The following ZNF334 variants were observed in gnomAD, a reference collection of about 807,000 sequenced individuals.
ZNF334 encodes the protein zinc finger protein 334.
A neutral mutation model predicts 12.4 loss-of-function variants in ZNF334; 14 were observed. That is an observed-to-expected ratio of 1.13 (90% CI 0.74 to 1.76). The LOEUF is 1.76. Ranked by LOEUF, ZNF334 falls within the 40% of genes most tolerant of loss-of-function variation. The pLI is 0.00. For missense variants in ZNF334, 797 were observed against 804.5 expected (o/e 0.99, Z 0.11); for synonymous variants, 273 against 269.6 (o/e 1.01, Z -0.12).
rs1486488643 is a variant in ZNF334, at chr20:46,504,709, T to C, written c.53A>G (p.Asn18Ser). ...IPVSFQDLTV[N>S]FTQEEWQQLD... Reference sequence around the variant, plus strand: ...TTGCTGCCATTCCTCTTGGGTGAAGTTCACAGTCAGGTCCTGGAATGAAAC... The same window carrying C: ...TTGCTGCCATTCCTCTTGGGTGAAGCTCACAGTCAGGTCCTGGAATGAAAC... Residue 18 changes from asparagine (N) to serine (S), a missense_variant, in exon 3 of 5, where the codon AAC (asparagine) becomes AGC (serine). Asn to Ser is a conservative substitution (Grantham distance 46). Coordinates refer to ENST00000692313, the MANE Select transcript of ZNF334 (RefSeq NM_001353824.2). The C allele has an allele frequency of 4.3e-6, 7 of 1,612,420 alleles. No individual in the cohort carries two copies. The highest frequency in any genetic ancestry group is 5.9e-6 in the Non-Finnish European group (7 of 1,179,378).
At chr20:46,496,327 C>T (rs538298781), downstream of ZNF334, among the ~76,000 whole-genome samples, 1 of 152,302 alleles carries the variant, frequency 6.6e-6, no homozygotes, top group East Asian at 1.9e-4. Flanking sequence ...TCCCCAGAAT[C>T]TCATTTTCAT....
the ZNF334 span, among the ~76,000 whole-genome samples, chr20:46,488,271 C>T: frequency 1.3e-5 from 2 of 149,702 alleles, no homozygotes; most frequent in Non-Finnish European, 3.0e-5. Context: ...ATTTTATCAC[C>T]TTTATTGGCT....
the ZNF334 span, among the ~76,000 whole-genome samples, chr20:46,471,212 G>C: frequency 6.6e-6 from 1 of 152,170 alleles, no homozygotes; most frequent in Admixed American, 6.5e-5. Flanking sequence ...CATAATTACT[G>C]ATGAGGCTGA....
chr20:46,512,084 G>T lies in ZNF334; in HGVS notation c.19C>A (p.Gln7Lys). ...AAGTAAATCCCTGAGCAACTTACCT[G>T]AAATTTTTTCATTTTCATGTTCTCT... MKMKKF[Q>K]IPVSFQDLTV... Residue 7 changes from glutamine to lysine, a missense_variant and splice_region_variant, in exon 2 of 5, where the codon CAG (glutamine) becomes AAG (lysine). Transcript: ENST00000692313. 1 of 1,613,762 alleles carries T rather than the reference G, an allele frequency of 6.2e-7. No individual in the cohort carries two copies. Among genetic ancestry groups the T allele is most frequent in the Non-Finnish European group, 8.5e-7 (1 of 1,179,760 alleles).
intron 2 of ZNF334, chr20:46,506,527 G>A: frequency 7.7e-6 from 3 of 390,670 alleles, no homozygotes; most frequent in Non-Finnish European, 1.4e-5. Flanking sequence ...GAGGCAAGAG[G>A]ATCACTTGAG....
the ZNF334 span, among the ~76,000 whole-genome samples, chr20:46,487,256 T>C: frequency 1.3e-5 from 2 of 152,202 alleles, no homozygotes; most frequent in African/African-American, 4.8e-5. Context: ...AATCTGTCTA[T>C]ATTTGTATAT....
chr20:46,492,142 T>C, the ZNF334 span: 2 of 152,634 alleles, frequency 1.3e-5, no homozygotes, highest in African/African-American at 4.8e-5. Flanking sequence ...CCTTTCCATG[T>C]AATGAATGTA....
the ZNF334 span, among the ~76,000 whole-genome samples, chr20:46,470,361 C>T: frequency 6.6e-6 from 1 of 152,322 alleles, no homozygotes; most frequent in Middle Eastern, 3.4e-3. Flanking sequence ...TTGGTTGTCT[C>T]CTTCCTTTGT....
At chr20:46,494,069 T>TGA in the ZNF334 span, among the ~76,000 whole-genome samples, 1 of 152,256 alleles carries the variant, frequency 6.6e-6, no homozygotes, top group South Asian at 2.1e-4. Flanking sequence ...ATGGAGAACC[T>TGA]ATTACTGGGA....
chr20:46,463,453 T>G, the ZNF334 span, among the ~76,000 whole-genome samples: 2 of 152,170 alleles, frequency 1.3e-5, no homozygotes, highest in African/African-American at 4.8e-5. Flanking sequence ...ACGTCAAGGA[T>G]CCACATCCTG....
chr20:46,510,649 C>G (rs1194722048), intron 2 of ZNF334, among the ~76,000 whole-genome samples: 2 of 150,922 alleles, frequency 1.3e-5, no homozygotes, highest in African/African-American at 4.9e-5. Context: ...TGGTGTGAAC[C>G]TGGGAGGCTG....
At chr20:46,463,374 GT>G in the ZNF334 span, among the ~76,000 whole-genome samples, 232 of 152,346 alleles carry the variant, frequency 1.5e-3, 2 homozygotes, top group East Asian at 0.027. Context: ...CACAGAGCAA[GT>G]TGGACAGGGT....
At chr20:46,477,413 A>T in the ZNF334 span, among the ~76,000 whole-genome samples, 2 of 151,658 alleles carry the variant, frequency 1.3e-5, no homozygotes, top group South Asian at 4.2e-4. Flanking sequence ...ATCATAGCTC[A>T]CTGCTGCCTC....
At position 46,512,148 on chromosome 20, in the gene ZNF334, A is replaced by G; in HGVS notation, c.-38-8T>C. The G allele has an allele frequency of 6.2e-7, 1 of 1,611,492 alleles. No homozygotes were observed. The highest frequency in any genetic ancestry group is 1.3e-5 in the African/African-American group (1 of 74,984). On this transcript the variant is annotated splice_polypyrimidine_tract_variant and splice_region_variant and intron_variant, in intron 1 of 4. Coordinates refer to ENST00000692313, the MANE Select transcript of ZNF334 (RefSeq NM_001353824.2). ...AGAGTGTTGAAAGCAGAGCTGGGTA[A>G]GGAAGAATGGCGAATGGAATCATGA...
the ZNF334 span, chr20:46,464,479 C>G: frequency 2.1e-5 from 11 of 517,140 alleles, no homozygotes; most frequent in African/African-American, 1.7e-4. Context: ...CCATGCAGAT[C>G]CCACACATCG....
the ZNF334 span, among the ~76,000 whole-genome samples, chr20:46,488,719 C>A: frequency 8.2e-4 from 124 of 150,822 alleles, 2 homozygotes; most frequent in Non-Finnish European, 1.3e-3. Context: ...GTAATGAATT[C>A]TTTCATTCTC....
At chr20:46,479,868 C>T in the ZNF334 span, among the ~76,000 whole-genome samples, 751 of 152,290 alleles carry the variant, frequency 4.9e-3, 3 homozygotes, top group African/African-American at 0.017. Flanking sequence ...CTTACCTTAA[C>T]CAAAGCATTT....
chr20:46,508,014 T>C (rs557379043), intron 2 of ZNF334, among the ~76,000 whole-genome samples: 92 of 152,324 alleles, frequency 6.0e-4, no homozygotes, highest in Non-Finnish European at 8.8e-4. Context: ...CACTAGAAAG[T>C]TCTGTACTTG....
At chr20:46,471,115 TTG>T in the ZNF334 span, among the ~76,000 whole-genome samples, 1 of 152,244 alleles carries the variant, frequency 6.6e-6, no homozygotes, top group Non-Finnish European at 1.5e-5. Flanking sequence ...TTGCCAAAAC[TTG>T]GTATTGTCAA....
Sources: allele counts gnomAD v4.1 joint callset (sites outside exome capture counted in the v4.1 genomes callset), GRCh38; gene constraint gnomAD v4.1.1; transcripts MANE v1.5; gene names NCBI Gene and HGNC (gene_info 2026-07-23, HGNC 2026-07-21).